CLEC16A: variants seen among roughly 807,000 people sequenced by gnomAD.
The protein encoded by CLEC16A is C-type lectin domain containing 16A, also known as protein CLEC16A.
In CLEC16A, 51 loss-of-function variants were observed where a neutral mutation model predicts 109.5. The observed-to-expected ratio is 0.47, with a 90% CI of 0.37 to 0.59. The LOEUF is 0.59. Among genes scored for constraint, CLEC16A ranks in the 20% least tolerant of loss-of-function variants. The pLI is 0.00. For synonymous variants in CLEC16A, 673 were observed against 564.2 expected, an observed-to-expected ratio of 1.19 and a Z score of -2.73; for missense variants, 1,339 against 1,394.0, an observed-to-expected ratio of 0.96 and a Z score of 0.63.
intron 19 of CLEC16A, among the ~76,000 whole-genome samples, chr16:11,086,552 T>C (rs996167602): frequency 6.6e-6 from 1 of 152,174 alleles, no homozygotes; most frequent in Non-Finnish European, 1.5e-5. Flanking sequence ...TGTTTGTTTG[T>C]TTGTTTTGAG....
intron 23 of CLEC16A, among the ~76,000 whole-genome samples, chr16:11,170,863 G>A (rs146838224): frequency 1.8e-4 from 27 of 152,354 alleles, no homozygotes; most frequent in Admixed American, 5.2e-4. Context: ...CAAAGGAAAG[G>A]TGCAGCAGGT....
At chr16:11,108,838 C>T (rs539724194) in intron 19 of CLEC16A, among the ~76,000 whole-genome samples, 120 of 152,128 alleles carry the variant, frequency 7.9e-4, no homozygotes, top group African/African-American at 2.7e-3. Flanking sequence ...GGGCCGGGCG[C>T]GGTGGCTCAT....
At position 11,027,609 on chromosome 16, in the gene CLEC16A, G is replaced by T. The variant is rs1294485395; in HGVS notation, c.1537+2688G>T. The T allele has an allele frequency of 1.5e-5, 24 of 1,559,506 alleles. No individual in the cohort carries two copies. In the Admixed American group the frequency reaches 3.8e-4, roughly 25 times the overall value. ...CCTCATTCATGAAATTGCATTCCCA[G>T]GGAAGCATTTCCAGGAGATCTCATG... On this transcript the variant is annotated intron_variant, in intron 13 of 23. Coordinates refer to ENST00000409790, the MANE Select transcript of CLEC16A (RefSeq NM_015226.3).
At chr16:11,159,481 G>T (rs548810311) in intron 22 of CLEC16A, among the ~76,000 whole-genome samples, 2 of 152,334 alleles carry the variant, frequency 1.3e-5, no homozygotes, top group South Asian at 4.1e-4. Context: ...GGCCCTCCTT[G>T]GTAAGGCACC....
chr16:10,969,302 A>T lies in CLEC16A; in HGVS notation c.485A>T (p.Tyr162Phe), dbSNP rs1240103183. 1.9e-6 allele frequency: 3 copies of T among 1,605,956 alleles called. No individual in the cohort carries two copies. The highest frequency in any genetic ancestry group is 2.5e-6 in the Non-Finnish European group (3 of 1,176,772). ...KLNNHTVHFF[Y>F]NEHTNDFALY... ...AACAACCACACTGTCCATTTCTTTTATAATGAGGTAAGTAATTGCCAGAGG... is the reference window on the plus strand; with the variant it reads ...AACAACCACACTGTCCATTTCTTTTTTAATGAGGTAAGTAATTGCCAGAGG... The change falls in exon 4 of 24, where the codon TAT (tyrosine) becomes TTT (phenylalanine). Residue 162 changes from tyrosine (Y) to phenylalanine (F), a missense_variant. Physicochemically the swap from Tyr to Phe is conservative, Grantham distance 22 (BLOSUM62 3). Transcript: ENST00000409790.
chr16:11,040,514 C>CTTTCTTTTTTTTTTTTTTT (rs1268318578), intron 14 of CLEC16A: 1 of 101,536 alleles, frequency 9.8e-6, no homozygotes, highest in East Asian at 2.6e-4. Context: ...TTTTTCTTTT[C>CTTTCTTTTTTTTTTTTTTT]TTTTTTTTTT....
intron 19 of CLEC16A, among the ~76,000 whole-genome samples, chr16:11,069,063 C>G (rs1236124801): frequency 6.6e-6 from 1 of 150,938 alleles, no homozygotes; most frequent in Non-Finnish European, 1.5e-5. Flanking sequence ...AAACTCCTGG[C>G]CTCAAATAGT....
At chr16:10,983,935 T>G (rs1034342824) in intron 10 of CLEC16A, among the ~76,000 whole-genome samples, 1 of 147,120 alleles carries the variant, frequency 6.8e-6, no homozygotes, top group African/African-American at 2.5e-5. Flanking sequence ...CAAATGCTCA[T>G]CTCACTTATG....
At position 11,133,559 on chromosome 16, in the gene CLEC16A, A is replaced by T. The variant is rs115234594; in HGVS notation, c.2641+7413A>T. 4.5e-3 allele frequency among the ~76,000 whole-genome samples: 679 copies of T among 152,294 alleles called. 7 individuals are homozygous for T. Among genetic ancestry groups the T allele is most frequent in the African/African-American group, 0.016 (658 of 41,552 alleles). On this transcript the variant is annotated intron_variant, in intron 22 of 23. Transcript: ENST00000409790. Reference sequence around the variant, plus strand: ...CAGAAATGACAGTGTGCTATGAGCCAGCTGAGCTGACCGCAAAGCCTCTGA... The same window carrying T: ...CAGAAATGACAGTGTGCTATGAGCCTGCTGAGCTGACCGCAAAGCCTCTGA...
chr16:11,026,874 A>C, intron 13 of CLEC16A: 1 of 647,412 alleles, frequency 1.5e-6, no homozygotes, highest in Non-Finnish European at 2.7e-6. Flanking sequence ...GGTTAGCAGG[A>C]CCTCAATGGC....
In CLEC16A at chr16:11,053,845, C is replaced by T. The variant is rs533815013; in HGVS notation, c.1995+2204C>T. Among the ~76,000 whole-genome samples the T allele has an allele frequency of 2.6e-5, 4 of 152,328 alleles. No individual in the cohort carries two copies. The South Asian group carries it at 6.2e-4, about 24-fold the overall frequency. On this transcript the variant is annotated intron_variant, in intron 18 of 23. Transcript: ENST00000409790. The stretch of plus-strand genomic sequence containing the variant: ...CTTCTTGAGATCTGCTGGCTCTGCT[C>T]AGGACACTGGGACAGCAAAAACACA...
intron 15 of CLEC16A, 86 bp from the exon 16 acceptor site, chr16:11,043,942 C>T: frequency 2.0e-6 from 2 of 998,490 alleles, no homozygotes; most frequent in South Asian, 1.6e-5. Context: ...GTTTTATACA[C>T]ACTCATGTTT....
intron 23 of CLEC16A, among the ~76,000 whole-genome samples, chr16:11,173,849 C>G (rs887794015): frequency 6.6e-6 from 1 of 152,202 alleles, no homozygotes; most frequent in Non-Finnish European, 1.5e-5. Flanking sequence ...ATGAACCCAT[C>G]TTTCCTTTCC....
chr16:11,158,491 A>G (rs947830450), intron 22 of CLEC16A, among the ~76,000 whole-genome samples: 2 of 152,216 alleles, frequency 1.3e-5, no homozygotes, highest in African/African-American at 4.8e-5. Flanking sequence ...AAAGAGGTCT[A>G]TTGAAAACTG....
chr16:11,061,223 T>A (rs2048464006), intron 19 of CLEC16A, among the ~76,000 whole-genome samples: 1 of 152,206 alleles, frequency 6.6e-6, no homozygotes, highest in Admixed American at 6.5e-5. Context: ...GAGATCAGTT[T>A]GAGGGTTCTG....
At chr16:10,959,831 T>G (rs994670238) in intron 2 of CLEC16A, among the ~76,000 whole-genome samples, 5 of 151,958 alleles carry the variant, frequency 3.3e-5, no homozygotes, top group Non-Finnish European at 5.9e-5. Flanking sequence ...AGGGCTGGTC[T>G]CAAACTCCTG....
chr16:11,174,204 G>A lies in CLEC16A; in HGVS notation c.2807-4131G>A, dbSNP rs1394189499. The A allele has an allele frequency of 1.5e-5, 7 of 469,538 alleles. No homozygotes were observed. Among genetic ancestry groups the A allele is most frequent in the East Asian group, 6.9e-5 (1 of 14,400 alleles). 29.1% of individuals were successfully genotyped at this position (469,538 alleles called of 1,614,324 possible). A position where few individuals can be genotyped will look rare whatever the true frequency, so the allele number is the denominator to read the frequency against. ...ACGAGTGTTCAGCCTGTCGGAGGCC[G>A]ACAGTCATGGCGGCCACTGGGTTTA... On this transcript the variant is annotated intron_variant, in intron 23 of 23. Transcript: ENST00000409790. The surrounding 1 kb of genome is among the most constrained non-coding windows in gnomAD (Gnocchi z 4.7).
At chr16:11,154,750 C>T (rs543279008) in intron 22 of CLEC16A, among the ~76,000 whole-genome samples, 6 of 151,522 alleles carry the variant, frequency 4.0e-5, no homozygotes, top group Non-Finnish European at 8.8e-5. Context: ...CATGGTGAAA[C>T]CCCATTTCTA....
At chr16:11,011,551 C>A (rs189638927) in intron 11 of CLEC16A, among the ~76,000 whole-genome samples, 159 of 152,220 alleles carry the variant, frequency 1.0e-3, no homozygotes, top group African/African-American at 3.6e-3. Flanking sequence ...CATCTAGTAC[C>A]TCCTCTGCCT....
Sources: gnomAD v4.1 joint callset for allele counts (sites outside exome capture counted in the v4.1 genomes callset) on GRCh38, gnomAD v4.1.1 for gene constraint, Gnocchi (gnomAD v3.1) non-coding constraint, MANE v1.5 for transcripts, NCBI Gene and HGNC (gene_info 2026-07-23, HGNC 2026-07-21) for gene names.